Variants in CNTN1 observed in about 807,000 individuals in gnomAD.
CNTN1 encodes contactin 1, also known as contactin-1.
CNTN1 carries 38 observed loss-of-function variants against 126.4 expected under a neutral mutation model. The ratio of observed to expected loss-of-function variants is 0.30; its 90% confidence interval spans 0.23 to 0.39. The LOEUF (loss-of-function observed/expected upper bound fraction) is 0.39, where lower values mean the gene tolerates loss of function less well. Among genes scored for constraint, CNTN1 ranks in the 10% least tolerant of loss-of-function variants. CNTN1 has a pLI of 1.00. For synonymous variants in CNTN1, 413 were observed against 422.6 expected (o/e 0.98, Z 0.28); for missense variants, 1,009 against 1,248.4 (o/e 0.81, Z 2.89).
At chr12:40,951,940 G>A (rs1196079832) in intron 14 of CNTN1, among the ~76,000 whole-genome samples, 1 of 151,840 alleles carries the variant, frequency 6.6e-6, no homozygotes, top group Non-Finnish European at 1.5e-5. Flanking sequence ...TAAATATAGA[G>A]CTAGTTAGCT....
At chr12:41,035,397 A>G (rs1191018477) in intron 23 of CNTN1, among the ~76,000 whole-genome samples, 1 of 152,314 alleles carries the variant, frequency 6.6e-6, no homozygotes, top group East Asian at 1.9e-4. Flanking sequence ...ACAGATTTTC[A>G]AAAACATTTT....
At chr12:40,804,196 T>C (rs1940758491) in intron 1 of CNTN1, among the ~76,000 whole-genome samples, 1 of 151,964 alleles carries the variant, frequency 6.6e-6, no homozygotes, top group South Asian at 2.1e-4. Flanking sequence ...AGTGATTAGG[T>C]TGTGGGCTTT....
intron 1 of CNTN1, among the ~76,000 whole-genome samples, chr12:40,786,059 C>G (rs1937278774): frequency 1.3e-5 from 2 of 152,306 alleles, no homozygotes; most frequent in South Asian, 4.1e-4. Context: ...TCTGTAAAAA[C>G]ATAGTTCTGT....
At chr12:40,786,682 C>T (rs1288116543) in intron 1 of CNTN1, among the ~76,000 whole-genome samples, 1 of 152,046 alleles carries the variant, frequency 6.6e-6, no homozygotes. Context: ...AAATAAAATG[C>T]AGGACGTCAA....
intron 1 of CNTN1, among the ~76,000 whole-genome samples, chr12:40,895,087 A>T (rs564505954): frequency 6.6e-6 from 1 of 152,296 alleles, no homozygotes; most frequent in African/African-American, 2.4e-5. Context: ...AGTAAGCTTA[A>T]GTTTTATAAA....
rs140933657 is a variant in CNTN1 at position 40,977,251 on chromosome 12, T to C, written c.1805-3658T>C. Among the ~76,000 whole-genome samples, 21 of 152,270 alleles carry C rather than the reference T, an allele frequency of 1.4e-4. 1 individual carries two copies. Among genetic ancestry groups the C allele is most frequent in the African/African-American group, 4.8e-4 (20 of 41,568 alleles). Reference sequence around the variant, plus strand: ...ATAGAAAAGAATGTCTGTATTACCATACAGACTTGTGGGTGGCGGAAATCA... The same window carrying C: ...ATAGAAAAGAATGTCTGTATTACCACACAGACTTGTGGGTGGCGGAAATCA... On this transcript the variant is annotated intron_variant, in intron 15 of 23. Coordinates refer to ENST00000551295, the MANE Select transcript of CNTN1 (RefSeq NM_001843.4).
chr12:40,702,100 ATT>A lies in CNTN1; in HGVS notation c.-77+9521_-77+9522del, dbSNP rs11330800. The stretch of plus-strand genomic sequence containing the variant: ...CATGAAGTATGCATTTTTGTATCGG[ATT>A]TTTTTTTTTTTTCCCTAGAGACAGG... On this transcript the variant is annotated intron_variant, in intron 1 of 23. Transcript: ENST00000551295. Among the ~76,000 whole-genome samples the A allele has an allele frequency of 1.7e-3, 244 of 145,312 alleles. 1 individual carries two copies. Among genetic ancestry groups the A allele is most frequent in the Admixed American group, 3.6e-3 (52 of 14,612 alleles).
chr12:41,053,428 A>AT (rs1949730499), intron 23 of CNTN1, among the ~76,000 whole-genome samples: 12 of 64,110 alleles, frequency 1.9e-4, no homozygotes, highest in African/African-American at 9.0e-4. Context: ...GTTTTCACTA[A>AT]ATATATATAT....
chr12:41,036,460 G>T (rs995397660), intron 23 of CNTN1, among the ~76,000 whole-genome samples: 2 of 152,108 alleles, frequency 1.3e-5, no homozygotes, highest in Non-Finnish European at 2.9e-5. Context: ...AACATGAAAT[G>T]AAATGAAAGA....
At chr12:40,951,070 A>T (rs1946658023) in intron 14 of CNTN1, among the ~76,000 whole-genome samples, 1 of 152,156 alleles carries the variant, frequency 6.6e-6, no homozygotes, top group South Asian at 2.1e-4. Flanking sequence ...TGAAAACCAT[A>T]TAAATTAAAT....
intron 3 of CNTN1, among the ~76,000 whole-genome samples, chr12:40,917,589 C>T (rs1324531189): frequency 6.6e-6 from 1 of 152,134 alleles, no homozygotes; most frequent in Non-Finnish European, 1.5e-5. Context: ...CTTTACCTCT[C>T]TCTTAAAAAA....
chr12:40,994,004 T>A (rs569790424), intron 17 of CNTN1, among the ~76,000 whole-genome samples: 1 of 152,246 alleles, frequency 6.6e-6, no homozygotes, highest in African/African-American at 2.4e-5. Context: ...TTAGATTGAA[T>A]CTCTCCGAGA....
chr12:40,919,390 G>C (rs1034820817), intron 4 of CNTN1, among the ~76,000 whole-genome samples: 52 of 152,002 alleles, frequency 3.4e-4, no homozygotes, highest in African/African-American at 1.2e-3. Context: ...GCTTCAGATG[G>C]GTCATAAAAG....
At chr12:40,749,304 C>T (rs1938302986) in intron 1 of CNTN1, among the ~76,000 whole-genome samples, 1 of 152,082 alleles carries the variant, frequency 6.6e-6, no homozygotes, top group Non-Finnish European at 1.5e-5. Context: ...ACAGCCTATA[C>T]CTCTATTGTC....
At chr12:40,968,782 C>T (rs772407904) in intron 15 of CNTN1, among the ~76,000 whole-genome samples, 2 of 152,064 alleles carry the variant, frequency 1.3e-5, no homozygotes, top group Non-Finnish European at 2.9e-5. Context: ...CAGAATGTGG[C>T]CAGATACTAG....
At chr12:40,956,259 A>T (rs192261887) in intron 14 of CNTN1, among the ~76,000 whole-genome samples, 156 of 152,236 alleles carry the variant, frequency 1.0e-3, no homozygotes, top group Admixed American at 4.5e-3. Flanking sequence ...AGCTGTATAC[A>T]TATATAACAC....
chr12:41,030,392 A>AT (rs902360920), intron 23 of CNTN1, among the ~76,000 whole-genome samples: 2 of 151,836 alleles, frequency 1.3e-5, no homozygotes, highest in African/African-American at 4.8e-5. Flanking sequence ...TAGAACTTTG[A>AT]TTTTTTTTAG....
intron 1 of CNTN1, among the ~76,000 whole-genome samples, chr12:40,866,326 G>A (rs1044392363): frequency 6.6e-6 from 1 of 151,826 alleles, no homozygotes; most frequent in African/African-American, 2.4e-5. Context: ...TATTTGCTCT[G>A]TCCAGAACTT....
chr12:40,985,339 A>C (rs1947930823), intron 16 of CNTN1, among the ~76,000 whole-genome samples: 1 of 151,894 alleles, frequency 6.6e-6, no homozygotes, highest in African/African-American at 2.4e-5. Context: ...CTTTCTGTAA[A>C]ACTCTTTTTT....
Sources: gnomAD v4.1 joint callset for allele counts (sites outside exome capture counted in the v4.1 genomes callset) on GRCh38, gnomAD v4.1.1 for gene constraint, MANE v1.5 for transcripts, NCBI Gene and HGNC (gene_info 2026-07-23, HGNC 2026-07-21) for gene names.